Variants in SH2D4A observed in about 807,000 individuals in gnomAD.
SH2D4A encodes the protein SH2 domain-containing protein 4A.
Under a neutral mutation model 64.7 loss-of-function variants are expected in SH2D4A, and 70 were observed. That is an observed-to-expected ratio of 1.08 (90% CI 0.89 to 1.32). SH2D4A has a LOEUF of 1.32. SH2D4A is among the 40% of genes most tolerant of loss of function. The probability of loss-of-function intolerance (pLI) is 0.00; values close to 1 mark genes in which losing one functional copy is unlikely to be tolerated. For synonymous variants in SH2D4A, 268 were observed against 200.7 expected (o/e 1.34, Z -2.83); for missense variants, 706 against 540.1 (o/e 1.31, Z -3.04).
At chr8:19,393,719 C>T (rs915218364) in intron 9 of SH2D4A, among the ~76,000 whole-genome samples, 178 bp downstream of exon 9, 2 of 152,158 alleles carry the variant, frequency 1.3e-5, no homozygotes, top group Non-Finnish European at 2.9e-5. Flanking sequence ...TTTCATTTAT[C>T]TTAGAACCTA....
rs564268655 is a variant in SH2D4A, at chr8:19,332,851, A to C, written c.182-104A>C. ...GTTCTTTGTCTCATCTGATATATAT[A>C]TATATATTTTCAAAGACCCAAAATA... is the stretch of plus-strand genomic sequence containing the variant. On this transcript the variant is annotated intron_variant, in intron 2 of 9. Transcript: ENST00000265807. 4.9e-6 allele frequency: 5 copies of C among 1,012,700 alleles called. No individual in the cohort carries two copies. In the African/African-American group the frequency reaches 8.2e-5, roughly 17 times the overall value. 62.7% of individuals were successfully genotyped at this position (1,012,700 alleles called of 1,614,324 possible). A position where few individuals can be genotyped will look rare whatever the true frequency, so the allele number is the denominator to read the frequency against.
chr8:19,340,789 G>C (rs1266099400), intron 4 of SH2D4A, among the ~76,000 whole-genome samples: 1 of 151,810 alleles, frequency 6.6e-6, no homozygotes, highest in African/African-American at 2.4e-5. Flanking sequence ...GTAGAAACAG[G>C]GTTTCACTGT....
At chr8:19,378,367 C>T (rs1180775198) in intron 8 of SH2D4A, among the ~76,000 whole-genome samples, 1 of 152,134 alleles carries the variant, frequency 6.6e-6, no homozygotes, top group African/African-American at 2.4e-5. Flanking sequence ...ATAGAATAGA[C>T]ATGGAGACTC....
chr8:19,392,194 CTATA>C (rs1167112085), intron 8 of SH2D4A, among the ~76,000 whole-genome samples: 1 of 152,270 alleles, frequency 6.6e-6, no homozygotes, highest in East Asian at 1.9e-4. Context: ...TAAGCTATGT[CTATA>C]TATAACTTCA....
chr8:19,367,593 G>A (rs2053020192), intron 7 of SH2D4A, among the ~76,000 whole-genome samples: 1 of 151,930 alleles, frequency 6.6e-6, no homozygotes, highest in African/African-American at 2.4e-5. Context: ...TTGTTTTTTT[G>A]CTATTGAGTT....
intron 8 of SH2D4A, among the ~76,000 whole-genome samples, chr8:19,384,476 C>T (rs370548624): frequency 9.2e-5 from 14 of 152,106 alleles, no homozygotes; most frequent in South Asian, 6.2e-4. Flanking sequence ...TTTTCAGTTC[C>T]GGACTGTCTT....
chr8:19,389,128 C>T (rs1383442319), intron 8 of SH2D4A, among the ~76,000 whole-genome samples: 1 of 152,140 alleles, frequency 6.6e-6, no homozygotes, highest in African/African-American at 2.4e-5. Context: ...TTGAATCTTG[C>T]AGAGTGAGTA....
chr8:19,315,075 TAAAA>T (rs34808842), intron 1 of SH2D4A, among the ~76,000 whole-genome samples: 11 of 151,746 alleles, frequency 7.2e-5, no homozygotes, highest in Admixed American at 5.9e-4. Flanking sequence ...GGTTTTTACG[TAAAA>T]AAAACCGCAG....
intron 5 of SH2D4A, among the ~76,000 whole-genome samples, chr8:19,360,173 T>C (rs1194579443): frequency 6.6e-6 from 1 of 152,198 alleles, no homozygotes. Flanking sequence ...GTTAAGGTGG[T>C]AAATTTTGTT....
chr8:19,385,203 C>A (rs552167198), intron 8 of SH2D4A, among the ~76,000 whole-genome samples: 1 of 146,324 alleles, frequency 6.8e-6, no homozygotes, highest in Admixed American at 6.9e-5. Context: ...CACACTTCAG[C>A]TGTTTTTTTG....
chr8:19,327,505 T>G (rs1000898263), intron 2 of SH2D4A, among the ~76,000 whole-genome samples: 3 of 152,142 alleles, frequency 2.0e-5, no homozygotes, highest in Non-Finnish European at 4.4e-5. Context: ...ATTTTCAACT[T>G]CTCTTACCAG....
In SH2D4A at chr8:19,319,471, A is replaced by G. The variant is rs2052147659; in HGVS notation, c.-77A>G. The G allele has an allele frequency of 5.1e-6, 7 of 1,378,808 alleles. No homozygotes were observed. Among genetic ancestry groups the G allele is most frequent in the Non-Finnish European group, 6.6e-6 (7 of 1,060,824 alleles). The allele number at this position is 1,378,808 out of a possible 1,614,324, so 85.4% of individuals were successfully genotyped here. A position where few individuals can be genotyped will look rare whatever the true frequency, so the allele number is the denominator to read the frequency against. Reference sequence around the variant, plus strand: ...AGTTTCGTGGAAACGCCCAAGTGCCAGCACAGGTGGAGGGACACCTGGAGG... The same window carrying G: ...AGTTTCGTGGAAACGCCCAAGTGCCGGCACAGGTGGAGGGACACCTGGAGG... On this transcript the variant is annotated 5_prime_UTR_variant, in exon 2 of 10. Transcript: ENST00000265807.
chr8:19,393,923 T>A (rs1317476045), intron 9 of SH2D4A, among the ~76,000 whole-genome samples: 1 of 152,208 alleles, frequency 6.6e-6, no homozygotes, highest in Non-Finnish European at 1.5e-5. Flanking sequence ...TTAAGCACAT[T>A]ACATTGATTG....
At chr8:19,359,396 G>T (rs73601126) in intron 5 of SH2D4A, among the ~76,000 whole-genome samples, 2,584 of 152,164 alleles carry the variant, frequency 0.017, 72 homozygotes, top group African/African-American at 0.058. Flanking sequence ...CAAATTTCTT[G>T]CTTATCCTCA....
chr8:19,333,435 G>A (rs764215634), intron 3 of SH2D4A, among the ~76,000 whole-genome samples: 2 of 152,102 alleles, frequency 1.3e-5, no homozygotes, highest in African/African-American at 4.8e-5. Flanking sequence ...GAGTGTATGA[G>A]TTCCCCAGTG....
At chr8:19,366,676 C>T (rs1212760193) in intron 7 of SH2D4A, among the ~76,000 whole-genome samples, 1 of 152,094 alleles carries the variant, frequency 6.6e-6, no homozygotes. Context: ...CCTGTAATTC[C>T]AGCTACACTG....
chr8:19,365,151 C>T (rs1306776007), intron 7 of SH2D4A, among the ~76,000 whole-genome samples: 1 of 152,168 alleles, frequency 6.6e-6, no homozygotes, highest in East Asian at 1.9e-4. Flanking sequence ...TAAGACTCTT[C>T]TCCTGCTTGG....
At chr8:19,378,823 A>G (rs2053239085) in intron 8 of SH2D4A, among the ~76,000 whole-genome samples, 1 of 150,444 alleles carries the variant, frequency 6.6e-6, no homozygotes, top group Admixed American at 6.7e-5. Context: ...AGGAAGGCGG[A>G]TCCTTTGAGC....
intron 4 of SH2D4A, among the ~76,000 whole-genome samples, chr8:19,347,947 T>C (rs1277935952): frequency 6.6e-6 from 1 of 152,156 alleles, no homozygotes; most frequent in African/African-American, 2.4e-5. Flanking sequence ...GTGTGCATGC[T>C]TTCCACACTG....
Sources: allele counts gnomAD v4.1 joint callset (sites outside exome capture counted in the v4.1 genomes callset), GRCh38; gene constraint gnomAD v4.1.1; transcripts MANE v1.5; gene names NCBI Gene and HGNC (gene_info 2026-07-23, HGNC 2026-07-21).